STPG4: variants seen among roughly 807,000 people sequenced by gnomAD.
STPG4 encodes the protein sperm-tail PG-rich repeat containing 4, also known as protein STPG4.
Under a neutral mutation model 31.5 loss-of-function variants are expected in STPG4, and 41 were observed. The observed-to-expected ratio is 1.30, with a 90% confidence interval of 1.01 to 1.69. The LOEUF is 1.69. STPG4 is among the 40% of genes most tolerant of loss of function. The probability of loss-of-function intolerance (pLI) is 0.00; values close to 1 mark genes in which losing one functional copy is unlikely to be tolerated. For missense variants in STPG4, 375 were observed against 293.4 expected (o/e 1.28, Z -2.03); for synonymous variants, 141 against 103.0 (o/e 1.37, Z -2.24).
chr2:47,106,010 G>A lies in STPG4; in HGVS notation c.520-15636C>T, dbSNP rs892165264. 7.9e-5 allele frequency among the ~76,000 whole-genome samples: 12 copies of A among 151,762 alleles called. 1 individual carries two copies. The highest frequency in any genetic ancestry group is 5.8e-4 in the East Asian group (3 of 5,194). On this transcript the variant is annotated intron_variant, in intron 5 of 6. Transcript: ENST00000445927. ...GAGAGGGGAGAACAGCAGCATAAGC[G>A]GCTGGCAGAGGTAGGGAAAGACCAG...
At chr2:47,127,840 T>C (rs1467197305) in intron 5 of STPG4, among the ~76,000 whole-genome samples, 2 of 152,230 alleles carry the variant, frequency 1.3e-5, no homozygotes, top group Non-Finnish European at 2.9e-5. Context: ...TCACTCGTGC[T>C]TTATTTAATT....
At chr2:47,146,917 G>C (rs1297204657) in intron 3 of STPG4, among the ~76,000 whole-genome samples, 1 of 151,046 alleles carries the variant, frequency 6.6e-6, no homozygotes, top group Non-Finnish European at 1.5e-5. Flanking sequence ...CAGGAGGATC[G>C]CTGGAGCTGA....
At chr2:47,105,807 T>G (rs967100341) in intron 5 of STPG4, among the ~76,000 whole-genome samples, 2 of 152,092 alleles carry the variant, frequency 1.3e-5, no homozygotes, top group Non-Finnish European at 2.9e-5. Flanking sequence ...TGTATACAGA[T>G]AGCAAGTATG....
chr2:47,099,114 C>A (rs1294065737), intron 5 of STPG4, among the ~76,000 whole-genome samples: 4 of 152,162 alleles, frequency 2.6e-5, no homozygotes, highest in Non-Finnish European at 2.9e-5. Flanking sequence ...AGGGGCAACA[C>A]CAAGTGATCA....
intron 5 of STPG4, among the ~76,000 whole-genome samples, chr2:47,127,248 A>C (rs71426872): frequency 2.8e-5 from 2 of 70,876 alleles, no homozygotes; most frequent in Admixed American, 1.8e-4. Context: ...TCTTCAAGCT[A>C]ATTCTTTTTT....
At chr2:47,121,749 G>C (rs1686275388) in intron 5 of STPG4, among the ~76,000 whole-genome samples, 1 of 152,140 alleles carries the variant, frequency 6.6e-6, no homozygotes, top group South Asian at 2.1e-4. Context: ...GGGAGAAGCT[G>C]TTCCTTACCT....
chr2:47,135,627 T>A (rs1002653671), intron 3 of STPG4, among the ~76,000 whole-genome samples: 3 of 152,192 alleles, frequency 2.0e-5, no homozygotes, highest in Non-Finnish European at 4.4e-5. Flanking sequence ...CCTCAAGTGA[T>A]CCATCTGCCT....
intron 3 of STPG4, among the ~76,000 whole-genome samples, chr2:47,135,667 A>G (rs756093614): frequency 6.6e-6 from 1 of 152,214 alleles, no homozygotes; most frequent in Non-Finnish European, 1.5e-5. Context: ...GATTACAGGC[A>G]TGAACCACCA....
intron 3 of STPG4, among the ~76,000 whole-genome samples, chr2:47,138,822 A>G (rs926719476): frequency 2.6e-5 from 4 of 152,108 alleles, no homozygotes; most frequent in Admixed American, 1.3e-4. Context: ...TGCTGGGATT[A>G]CAGGCATGAG....
intron 2 of STPG4, among the ~76,000 whole-genome samples, chr2:47,152,707 T>C (rs1271854879): frequency 6.6e-6 from 1 of 152,258 alleles, no homozygotes; most frequent in Non-Finnish European, 1.5e-5. Flanking sequence ...TAGCCTTATC[T>C]AGATATTCTG....
At chr2:47,136,585 C>A (rs1242489687) in intron 3 of STPG4, among the ~76,000 whole-genome samples, 1 of 152,134 alleles carries the variant, frequency 6.6e-6, no homozygotes, top group Admixed American at 6.6e-5. Flanking sequence ...GTGTTCTTGA[C>A]CTTACCAGTA....
intron 5 of STPG4, among the ~76,000 whole-genome samples, chr2:47,127,912 G>A (rs1055310139): frequency 6.6e-6 from 1 of 152,084 alleles, no homozygotes; most frequent in Non-Finnish European, 1.5e-5. Context: ...GCCGATGTCT[G>A]GGCATTGTAG....
rs570374227 is a variant in STPG4 at position 47,107,286 on chromosome 2, G to A, written c.520-16912C>T. Among the ~76,000 whole-genome samples, 10 of 152,196 alleles carry A rather than the reference G, an allele frequency of 6.6e-5. No homozygotes were observed. In the East Asian group the frequency reaches 7.7e-4, roughly 12 times the overall value. ...CTTGCAGGGAGGTGTGGAGGGAGACGCGCAAGTGGGAACCGGGGCTGCGCG... is the reference window on the plus strand; with the variant it reads ...CTTGCAGGGAGGTGTGGAGGGAGACACGCAAGTGGGAACCGGGGCTGCGCG... On this transcript the variant is annotated intron_variant, in intron 5 of 6. Transcript: ENST00000445927.
chr2:47,103,205 C>T (rs188820799), intron 5 of STPG4, among the ~76,000 whole-genome samples: 1 of 151,896 alleles, frequency 6.6e-6, no homozygotes, highest in East Asian at 1.9e-4. Context: ...TAGAAAAAAG[C>T]CCATGAATTA....
chr2:47,106,145 G>C (rs1685905123), intron 5 of STPG4, among the ~76,000 whole-genome samples: 1 of 151,946 alleles, frequency 6.6e-6, no homozygotes, highest in Admixed American at 6.6e-5. Context: ...AAAAAAGAGA[G>C]ATGGAAGTAG....
intron 5 of STPG4, among the ~76,000 whole-genome samples, chr2:47,109,858 T>C (rs531183343): frequency 1.3e-5 from 2 of 152,220 alleles, no homozygotes; most frequent in Admixed American, 1.3e-4. Context: ...CGTTTCACAA[T>C]GCTGGTTTGA....
At chr2:47,125,081 G>A (rs1329771688) in intron 5 of STPG4, among the ~76,000 whole-genome samples, 1 of 152,186 alleles carries the variant, frequency 6.6e-6, no homozygotes, top group Non-Finnish European at 1.5e-5. Flanking sequence ...TTTGAGAAAT[G>A]TCTATTCAGA....
chr2:47,119,664 TA>T (rs11313929), intron 5 of STPG4, among the ~76,000 whole-genome samples: 20,105 of 152,002 alleles, frequency 0.13, 1,476 homozygotes, highest in African/African-American at 0.17. Context: ...TCCCATCAAA[TA>T]AAAAAAGACG....
intron 3 of STPG4, among the ~76,000 whole-genome samples, chr2:47,145,972 G>A (rs983569486): frequency 1.3e-5 from 2 of 152,226 alleles, no homozygotes; most frequent in East Asian, 3.8e-4. Flanking sequence ...CTTGAAGAAG[G>A]ATAGAGAGTA....
Sources: gnomAD v4.1 joint callset for allele counts (sites outside exome capture counted in the v4.1 genomes callset) on GRCh38, gnomAD v4.1.1 for gene constraint, MANE v1.5 for transcripts, NCBI Gene and HGNC (gene_info 2026-07-23, HGNC 2026-07-21) for gene names.